TSC22D3: variants seen among roughly 807,000 people sequenced by gnomAD.
TSC22D3 encodes the protein TSC22 domain family member 3.
TSC22D3 carries 4 observed loss-of-function variants against 11.1 expected under a neutral mutation model. The observed-to-expected ratio is 0.36, with a 90% CI of 0.18 to 0.83. TSC22D3 has a LOEUF of 0.83. Among genes scored for constraint, TSC22D3 ranks in the 40% least tolerant of loss-of-function variants. TSC22D3 has a pLI of 0.48. For synonymous variants in TSC22D3, 77 were observed against 70.3 expected, an observed-to-expected ratio of 1.10 and a Z score of -0.48; for missense variants, 118 against 159.4, an observed-to-expected ratio of 0.74 and a Z score of 1.40.
chrX:107,766,410 C>T (rs1000896930), intron 1 of TSC22D3, among the ~76,000 whole-genome samples: 3 of 109,495 alleles, frequency 2.7e-5, no homozygotes, highest in East Asian at 2.9e-4. Context: ...CTCCACCTTC[C>T]GGTAAACCCT....
intron 1 of TSC22D3, among the ~76,000 whole-genome samples, chrX:107,744,122 T>C (rs1347318575): frequency 1.8e-5 from 2 of 111,787 alleles, no homozygotes; most frequent in African/African-American, 3.3e-5. Context: ...ATTAAATCAA[T>C]CAGGTCGATC....
chrX:107,716,867 C>T, intron 1 of TSC22D3: 1 of 1,195,457 alleles, frequency 8.4e-7, no homozygotes, highest in Non-Finnish European at 1.1e-6. Flanking sequence ...GGCGGCTGGG[C>T]GGCTGGGTGG....
intron 1 of TSC22D3, among the ~76,000 whole-genome samples, chrX:107,727,206 A>G: frequency 8.9e-6 from 1 of 112,497 alleles, no homozygotes; most frequent in Non-Finnish European, 1.9e-5. Context: ...ACAGACAGCA[A>G]TGATATGAAA....
chrX:107,767,165 G>T (rs1929707489), intron 1 of TSC22D3, among the ~76,000 whole-genome samples: 1 of 112,157 alleles, frequency 8.9e-6, no homozygotes, highest in South Asian at 3.7e-4. Context: ...CATCTCCCCT[G>T]AAGAGAAGAT....
intron 1 of TSC22D3, among the ~76,000 whole-genome samples, chrX:107,729,522 G>A (rs375081057): frequency 1.8e-5 from 2 of 112,233 alleles, no homozygotes; most frequent in African/African-American, 6.5e-5. Context: ...ACTAGAGCTG[G>A]CGAGGGAAGC....
At chrX:107,717,412 C>T (rs187174135) in intron 1 of TSC22D3, among the ~76,000 whole-genome samples, 1 of 112,772 alleles carries the variant, frequency 8.9e-6, no homozygotes, top group African/African-American at 3.2e-5. Flanking sequence ...TGCATGCTCT[C>T]CCATGTCATA....
intron 1 of TSC22D3, among the ~76,000 whole-genome samples, chrX:107,730,821 C>T (rs1316199945): frequency 1.8e-5 from 2 of 112,105 alleles, no homozygotes; most frequent in East Asian, 5.6e-4. Flanking sequence ...GCTTCCTTTT[C>T]GGGTACCTTC....
At chrX:107,729,872 C>T (rs1013460519) in intron 1 of TSC22D3, among the ~76,000 whole-genome samples, 1 of 112,879 alleles carries the variant, frequency 8.9e-6, no homozygotes, top group African/African-American at 3.2e-5. Flanking sequence ...AATAAGTGGG[C>T]GGAATGCCTC....
intron 1 of TSC22D3, among the ~76,000 whole-genome samples, chrX:107,741,533 A>G (rs1928401104): frequency 8.8e-6 from 1 of 113,089 alleles, no homozygotes; most frequent in African/African-American, 3.2e-5. Flanking sequence ...GTTGCCGCCA[A>G]CACACACAGC....
At chrX:107,738,645 G>A (rs767438069) in intron 1 of TSC22D3, among the ~76,000 whole-genome samples, 10 of 113,330 alleles carry the variant, frequency 8.8e-5, no homozygotes, top group Non-Finnish European at 1.7e-4. Flanking sequence ...GGCATAGGGA[G>A]TCTGGCCTTC....
chrX:107,749,377 A>AAAAAG (rs757162485), intron 1 of TSC22D3, among the ~76,000 whole-genome samples: 8 of 111,047 alleles, frequency 7.2e-5, no homozygotes, highest in South Asian at 3.8e-4. Context: ...TCTGTCTCAA[A>AAAAAG]AAAAGAAAAG....
intron 1 of TSC22D3, chrX:107,716,988 A>G: frequency 9.6e-7 from 1 of 1,042,740 alleles, no homozygotes; most frequent in Non-Finnish European, 1.2e-6. Context: ...CTCCAGCTGG[A>G]GTTGAAGGGA....
chrX:107,752,876 C>T (rs1343179309), intron 1 of TSC22D3, among the ~76,000 whole-genome samples: 7 of 111,750 alleles, frequency 6.3e-5, no homozygotes, highest in African/African-American at 1.6e-4. Flanking sequence ...AGCCAAGATA[C>T]GCACAGCAGG....
chrX:107,772,754 A>G (rs1383495892), intron 1 of TSC22D3, among the ~76,000 whole-genome samples: 4 of 111,132 alleles, frequency 3.6e-5, no homozygotes, highest in African/African-American at 1.3e-4. Flanking sequence ...GGGAGGCTGA[A>G]GTGGGAGGAT....
chrX:107,752,278 A>G (rs757520901), intron 1 of TSC22D3, among the ~76,000 whole-genome samples: 1 of 112,079 alleles, frequency 8.9e-6, no homozygotes, highest in Admixed American at 9.4e-5. Flanking sequence ...TAGGTTTACA[A>G]CAAGGGAGAC....
intron 1 of TSC22D3, among the ~76,000 whole-genome samples, chrX:107,770,017 C>T (rs952116732): frequency 7.1e-5 from 8 of 112,282 alleles, no homozygotes; most frequent in Non-Finnish European, 1.3e-4. Context: ...TTACTTTGGG[C>T]TATGAAAGGA....
At position 107,758,132 on chromosome X, in the gene TSC22D3, G is replaced by C. The variant is rs1393182924; in HGVS notation, c.320+16968C>G. Among the ~76,000 whole-genome samples, 9 of 110,521 alleles carry C rather than the reference G, an allele frequency of 8.1e-5. No individual in the cohort carries two copies. The Admixed American group carries it at 8.7e-4, about 11-fold the overall frequency. ...CAAGAAGAAGGAGGGCTAGCAGGGA[G>C]GGAGGAGACTGTGCAGTAGTGAGCA... On this transcript the variant is annotated intron_variant, in intron 1 of 2. Coordinates refer to ENST00000372383, the MANE Select transcript of TSC22D3 (RefSeq NM_198057.3).
intron 1 of TSC22D3, among the ~76,000 whole-genome samples, chrX:107,735,340 G>A (rs1465460023): frequency 8.9e-6 from 1 of 111,826 alleles, no homozygotes; most frequent in East Asian, 2.8e-4. Flanking sequence ...TCCCCTCTCA[G>A]GGCCTTGGTT....
chrX:107,767,011 G>A, intron 1 of TSC22D3, among the ~76,000 whole-genome samples: 1 of 111,013 alleles, frequency 9.0e-6, no homozygotes, highest in Non-Finnish European at 1.9e-5. Context: ...AGTGGGGTAA[G>A]CCAGGAAGGA....
Sources: allele counts gnomAD v4.1 joint callset (sites outside exome capture counted in the v4.1 genomes callset), GRCh38; gene constraint gnomAD v4.1.1; transcripts MANE v1.5; gene names NCBI Gene and HGNC (gene_info 2026-07-23, HGNC 2026-07-21).